The following PSD3 variants were observed in gnomAD, a reference collection of about 807,000 sequenced individuals.
PSD3 encodes the protein PH and SEC7 domain-containing protein 3.
PSD3 carries 49 observed loss-of-function variants against 105.5 expected under a neutral mutation model. The ratio of observed to expected loss-of-function variants is 0.46; its 90% CI spans 0.37 to 0.59. PSD3 has a LOEUF of 0.59. Ranked by LOEUF, PSD3 falls within the 20% of genes least tolerant of loss-of-function variation. PSD3 has a pLI of 0.00. For missense variants in PSD3, 1,561 were observed against 1,263.8 expected, an observed-to-expected ratio of 1.24 and a Z score of -3.57; for synonymous variants, 557 against 457.8, an observed-to-expected ratio of 1.22 and a Z score of -2.77.
chr8:18,921,768 C>T (rs896159836), intron 2 of PSD3, among the ~76,000 whole-genome samples: 2 of 152,070 alleles, frequency 1.3e-5, no homozygotes, highest in African/African-American at 4.8e-5. Context: ...GGCCATAAGC[C>T]CAGTGTTCAC....
At chr8:18,666,610 G>T (rs560633668) in intron 9 of PSD3, among the ~76,000 whole-genome samples, 28 of 152,170 alleles carry the variant, frequency 1.8e-4, no homozygotes, top group African/African-American at 6.5e-4. Flanking sequence ...AAGTCAGGAA[G>T]GCCAGGGAGA....
chr8:19,029,929 A>T (rs913070281), intron 1 of PSD3, among the ~76,000 whole-genome samples: 1 of 152,192 alleles, frequency 6.6e-6, no homozygotes, highest in Non-Finnish European at 1.5e-5. Flanking sequence ...GATTTTCTAC[A>T]TAGCTGATCA....
chr8:18,829,837 GAC>G (rs1470657899), intron 4 of PSD3, among the ~76,000 whole-genome samples: 2 of 151,860 alleles, frequency 1.3e-5, no homozygotes, highest in African/African-American at 2.4e-5. Flanking sequence ...TTTGTAAAAA[GAC>G]ATTTTTAAAA....
chr8:18,946,810 C>A (rs1439986627), intron 1 of PSD3, among the ~76,000 whole-genome samples: 8 of 148,770 alleles, frequency 5.4e-5, no homozygotes, highest in African/African-American at 2.0e-4. Context: ...GAGGTTGGGA[C>A]AGGAGAATTG....
chr8:18,663,313 G>A (rs1809493611), intron 9 of PSD3, among the ~76,000 whole-genome samples: 1 of 152,034 alleles, frequency 6.6e-6, no homozygotes, highest in African/African-American at 2.4e-5. Flanking sequence ...TGTAGTCCCA[G>A]CTACTTAGAG....
chr8:19,023,403 AT>A (rs1430603925), intron 1 of PSD3, among the ~76,000 whole-genome samples: 1 of 105,474 alleles, frequency 9.5e-6, no homozygotes, highest in African/African-American at 4.3e-5. Context: ...CTATTTATTT[AT>A]TTATTTATTT....
At chr8:19,076,851 T>C (rs1829477732) in intron 1 of PSD3, among the ~76,000 whole-genome samples, 1 of 152,114 alleles carries the variant, frequency 6.6e-6, no homozygotes, top group Admixed American at 6.6e-5. Context: ...CTCTTTGACC[T>C]TGGGCAGGTA....
At chr8:18,667,137 T>G (rs1188577814) in intron 9 of PSD3, among the ~76,000 whole-genome samples, 2 of 152,174 alleles carry the variant, frequency 1.3e-5, no homozygotes, top group Non-Finnish European at 2.9e-5. Context: ...CACTGGTGGC[T>G]CAGGCAGCCT....
At chr8:18,635,229 A>G (rs190508427) in intron 10 of PSD3, among the ~76,000 whole-genome samples, 2 of 152,034 alleles carry the variant, frequency 1.3e-5, no homozygotes, top group African/African-American at 4.8e-5. Context: ...CTCATCTTAA[A>G]TTTTCCTTGT....
chr8:18,765,333 TA>T, intron 9 of PSD3, 115 bp downstream of exon 9: 1 of 896,618 alleles, frequency 1.1e-6, no homozygotes, highest in Non-Finnish European at 1.8e-6. Context: ...ACATCACCAA[TA>T]AAACCAAAAG....
intron 9 of PSD3, among the ~76,000 whole-genome samples, chr8:18,686,486 T>G (rs1800668547): frequency 6.6e-6 from 1 of 152,110 alleles, no homozygotes; most frequent in Admixed American, 6.5e-5. Flanking sequence ...TGCCTTTTAC[T>G]CTCTGTTGCA....
intron 2 of PSD3, among the ~76,000 whole-genome samples, chr8:18,915,672 G>A (rs747159860): frequency 6.6e-6 from 1 of 152,050 alleles, no homozygotes; most frequent in Non-Finnish European, 1.5e-5. Flanking sequence ...TGAAAACCAC[G>A]ATAAGGTATC....
At chr8:19,013,877 A>T (rs1008061020), upstream of PSD3, among the ~76,000 whole-genome samples, 15 of 42,160 alleles carry the variant, frequency 3.6e-4, no homozygotes, top group Admixed American at 1.5e-3. Context: ...CGCCTCGGGG[A>T]GGGGGGAGGT....
At chr8:18,671,701 C>T (rs576428141) in intron 9 of PSD3, among the ~76,000 whole-genome samples, 2 of 151,736 alleles carry the variant, frequency 1.3e-5, no homozygotes, top group East Asian at 1.9e-4. Context: ...GCGCGATCTC[C>T]GCTCACTGCA....
At chr8:18,846,195 A>G (rs1815077195) in intron 4 of PSD3, among the ~76,000 whole-genome samples, 1 of 152,216 alleles carries the variant, frequency 6.6e-6, no homozygotes, top group Non-Finnish European at 1.5e-5. Context: ...ATCAGTAGCA[A>G]TACAAATGTT....
At chr8:18,838,496 T>G (rs539266151) in intron 4 of PSD3, among the ~76,000 whole-genome samples, 2 of 152,076 alleles carry the variant, frequency 1.3e-5, no homozygotes, top group South Asian at 4.2e-4. Context: ...CAAACCAAAG[T>G]TCTGTTTTTA....
At chr8:19,015,179 G>C (rs769678087), upstream of PSD3, among the ~76,000 whole-genome samples, 1 of 152,102 alleles carries the variant, frequency 6.6e-6, no homozygotes, top group Non-Finnish European at 1.5e-5. Context: ...TGAGTCTCAC[G>C]AGATCTGAAG....
chr8:18,815,377 C>T (rs780299338), intron 4 of PSD3, among the ~76,000 whole-genome samples: 3 of 152,014 alleles, frequency 2.0e-5, no homozygotes, highest in Admixed American at 6.6e-5. Flanking sequence ...GGCATGATTT[C>T]GGCTCACTGC....
chr8:19,072,066 C>G (rs190566139), intron 1 of PSD3, among the ~76,000 whole-genome samples: 13 of 151,394 alleles, frequency 8.6e-5, no homozygotes, highest in African/African-American at 2.7e-4. Flanking sequence ...TTCACTCTTC[C>G]AACTCTACAG....
Sources: allele counts gnomAD v4.1 joint callset (sites outside exome capture counted in the v4.1 genomes callset), GRCh38; gene constraint gnomAD v4.1.1; transcripts MANE v1.5; gene names NCBI Gene and HGNC (gene_info 2026-07-23, HGNC 2026-07-21).